CSMD1: variants seen among roughly 807,000 people sequenced by gnomAD.
The protein encoded by CSMD1 is CUB and Sushi multiple domains 1.
Under a neutral mutation model 417.5 loss-of-function variants are expected in CSMD1, and 213 were observed. The ratio of observed to expected loss-of-function variants is 0.51; its 90% CI spans 0.46 to 0.57. The LOEUF is 0.57. Ranked by LOEUF, CSMD1 falls within the 20% of genes least tolerant of loss-of-function variation. The pLI is 0.00. For synonymous variants in CSMD1, 2,862 were observed against 1,736.8 expected, an observed-to-expected ratio of 1.65 and a Z score of -16.11; for missense variants, 6,923 against 4,529.7, an observed-to-expected ratio of 1.53 and a Z score of -15.17.
chr8:3,396,825 A>G (rs12375425), intron 16 of CSMD1, among the ~76,000 whole-genome samples: 64,790 of 151,818 alleles, frequency 0.43, 14,030 homozygotes, highest in Middle Eastern at 0.49. Flanking sequence ...GAGTGAAATC[A>G]TCTCTTAAAC....
At chr8:4,656,817 A>T (rs959142988) in intron 1 of CSMD1, among the ~76,000 whole-genome samples, 9 of 152,006 alleles carry the variant, frequency 5.9e-5, no homozygotes, top group Non-Finnish European at 5.9e-5. Context: ...TGTAAAGGAG[A>T]ACCCTTCCCC....
rs552930800 is a variant in CSMD1, at chr8:4,681,943, T to C, written c.86-44385A>G. Reference sequence around the variant, plus strand: ...TTGGTCACTAGGAAGTGTTGATTTATTTTCTTTGCTTTCTTGTGTTTCTGT... The same window carrying C: ...TTGGTCACTAGGAAGTGTTGATTTACTTTCTTTGCTTTCTTGTGTTTCTGT... On this transcript the variant is annotated intron_variant, in intron 1 of 69. Coordinates refer to ENST00000635120, the MANE Select transcript of CSMD1 (RefSeq NM_033225.6). Among the ~76,000 whole-genome samples the C allele has an allele frequency of 3.3e-5, 5 of 152,260 alleles. No homozygotes were observed. In the East Asian group the frequency reaches 7.7e-4, roughly 24 times the overall value.
chr8:4,239,691 G>A (rs562888044), intron 3 of CSMD1, among the ~76,000 whole-genome samples: 28 of 152,280 alleles, frequency 1.8e-4, no homozygotes, highest in South Asian at 1.7e-3. Flanking sequence ...GCAGAACATC[G>A]CATTATGTTG....
rs1458875257 is a variant in CSMD1 at position 4,296,887 on chromosome 8, T to C, written c.415+123066A>G. On this transcript the variant is annotated intron_variant, in intron 3 of 69. Transcript: ENST00000635120. Reference sequence around the variant, plus strand: ...CTTAGACTCCCAATTTTTTTAAAAATGCTCATCTCATGGAGATTATATTCC... The same window carrying C: ...CTTAGACTCCCAATTTTTTTAAAAACGCTCATCTCATGGAGATTATATTCC... Among the ~76,000 whole-genome samples, 4 of 152,214 alleles carry C rather than the reference T, an allele frequency of 2.6e-5. 1 individual carries two copies. The South Asian group carries it at 6.2e-4, about 24-fold the overall frequency.
intron 5 of CSMD1, among the ~76,000 whole-genome samples, chr8:3,754,833 C>T (rs1299977217): frequency 6.6e-6 from 1 of 152,184 alleles, no homozygotes; most frequent in Admixed American, 6.5e-5. Flanking sequence ...GCTATATTCC[C>T]AGCATCCCAT....
At chr8:4,370,757 G>A (rs1422179412) in intron 3 of CSMD1, among the ~76,000 whole-genome samples, 1 of 152,192 alleles carries the variant, frequency 6.6e-6, no homozygotes, top group Admixed American at 6.5e-5. Context: ...CGAAATTCCT[G>A]TGGCAAATTT....
intron 3 of CSMD1, among the ~76,000 whole-genome samples, chr8:4,308,953 C>T (rs11779243): frequency 0.63 from 96,156 of 151,858 alleles, 31,414 homozygotes; most frequent in East Asian, 0.86. Context: ...CTCTCAAATA[C>T]TCCCTGTAAC....
chr8:3,264,386 C>G (rs560260440), intron 26 of CSMD1, among the ~76,000 whole-genome samples: 4 of 152,184 alleles, frequency 2.6e-5, no homozygotes, highest in East Asian at 1.9e-4. Flanking sequence ...TTTCCTGTTT[C>G]TAAGTCAAAA....
chr8:4,833,751 T>C lies in CSMD1; in HGVS notation c.85+160581A>G, dbSNP rs138110133. Among the ~76,000 whole-genome samples the C allele has an allele frequency of 7.2e-4, 110 of 152,312 alleles. 3 individuals carry two copies. In the East Asian group the frequency reaches 0.017, roughly 24 times the overall value. On this transcript the variant is annotated intron_variant, in intron 1 of 69. Transcript: ENST00000635120. Reference sequence around the variant, plus strand: ...TATTTAAAGAAACTCCTGATTTACATTGACTTCTATTCGTTATCTTAGGAT... The same window carrying C: ...TATTTAAAGAAACTCCTGATTTACACTGACTTCTATTCGTTATCTTAGGAT...
At chr8:3,189,034 A>T in intron 34 of CSMD1, 23 bp from the exon 35 acceptor site, 8 of 1,603,054 alleles carry the variant, frequency 5.0e-6, no homozygotes, top group Non-Finnish European at 6.8e-6. Context: ...ACCATATGTC[A>T]TGAAATAAAG....
chr8:4,935,779 C>G (rs6991459), intron 1 of CSMD1, among the ~76,000 whole-genome samples: 1 of 152,058 alleles, frequency 6.6e-6, no homozygotes, highest in African/African-American at 2.4e-5. Context: ...GAAAGAAAGA[C>G]GAGGAATACA....
At chr8:3,580,803 C>T (rs544373005) in intron 9 of CSMD1, among the ~76,000 whole-genome samples, 6 of 152,268 alleles carry the variant, frequency 3.9e-5, no homozygotes, top group African/African-American at 1.4e-4. Flanking sequence ...GAAGAGTCAT[C>T]TTTCGGGGTA....
chr8:4,200,994 C>A (rs1033605710), intron 3 of CSMD1, among the ~76,000 whole-genome samples: 4 of 152,206 alleles, frequency 2.6e-5, no homozygotes, highest in Non-Finnish European at 5.9e-5. Context: ...TTCTCCACAG[C>A]GCCGTTCATA....
intron 7 of CSMD1, among the ~76,000 whole-genome samples, chr8:3,699,222 T>A (rs183634887): frequency 6.6e-6 from 1 of 152,246 alleles, no homozygotes; most frequent in East Asian, 1.9e-4. Flanking sequence ...CAATGTAGAC[T>A]GACAATTAGT....
chr8:3,931,066 G>A (rs1051478673), intron 5 of CSMD1, among the ~76,000 whole-genome samples: 2 of 150,466 alleles, frequency 1.3e-5, no homozygotes, highest in Non-Finnish European at 3.0e-5. Flanking sequence ...CTGAGATAAA[G>A]TTTTAAAAAT....
intron 3 of CSMD1, among the ~76,000 whole-genome samples, chr8:4,387,890 C>A (rs1011746077): frequency 5.9e-5 from 9 of 152,172 alleles, no homozygotes; most frequent in Admixed American, 3.9e-4. Context: ...CAAATCGTAT[C>A]TGCCAAGATT....
At chr8:4,799,108 G>A (rs547970909) in intron 1 of CSMD1, among the ~76,000 whole-genome samples, 2 of 152,308 alleles carry the variant, frequency 1.3e-5, no homozygotes, top group Admixed American at 6.5e-5. Flanking sequence ...TCCGGGCCAT[G>A]GGTCACGCCC....
chr8:3,814,084 TGAAG>T (rs1473865348), intron 5 of CSMD1, among the ~76,000 whole-genome samples: 2 of 152,212 alleles, frequency 1.3e-5, no homozygotes, highest in African/African-American at 2.4e-5. Context: ...TCAAATTCCC[TGAAG>T]GAAGAGCTTG....
chr8:3,705,306 G>A (rs927343953), intron 7 of CSMD1, among the ~76,000 whole-genome samples: 1 of 152,182 alleles, frequency 6.6e-6, no homozygotes, highest in African/African-American at 2.4e-5. Context: ...TTTGTGCCTT[G>A]GAGCAGAGAC....
Sources: allele counts gnomAD v4.1 joint callset (sites outside exome capture counted in the v4.1 genomes callset), GRCh38; gene constraint gnomAD v4.1.1; transcripts MANE v1.5; gene names NCBI Gene and HGNC (gene_info 2026-07-23, HGNC 2026-07-21).